Variants in ZNF730 observed in about 807,000 individuals in gnomAD.
ZNF730 encodes putative zinc finger protein 730.
ZNF730 carries 12 observed loss-of-function variants against 12.6 expected under a neutral mutation model. The ratio of observed to expected loss-of-function variants is 0.95; its 90% CI spans 0.61 to 1.54. The LOEUF (loss-of-function observed/expected upper bound fraction) is 1.54. ZNF730 is among the 40% of genes most tolerant of loss of function. The probability of loss-of-function intolerance (pLI) is 0.00; values close to 1 mark genes in which losing one functional copy is unlikely to be tolerated. For missense variants in ZNF730, 643 were observed against 583.5 expected, an observed-to-expected ratio of 1.10 and a Z score of -1.05; for synonymous variants, 194 against 195.8, an observed-to-expected ratio of 0.99 and a Z score of 0.08.
intron 1 of ZNF730, among the ~76,000 whole-genome samples, chr19:23,093,441 G>A (rs1011327687): frequency 2.0e-5 from 3 of 152,196 alleles, no homozygotes; most frequent in South Asian, 2.1e-4. Flanking sequence ...TCTAATTGCC[G>A]GAAGGGACGG....
At chr19:23,080,084 T>C (rs1385027338) in intron 1 of ZNF730, among the ~76,000 whole-genome samples, 1 of 152,080 alleles carries the variant, frequency 6.6e-6, no homozygotes, top group African/African-American at 2.4e-5. Flanking sequence ...TAGCTGGGAT[T>C]ACAGGCACGC....
chr19:23,111,212 A>G (rs966535081), intron 1 of ZNF730, among the ~76,000 whole-genome samples: 4 of 152,212 alleles, frequency 2.6e-5, no homozygotes, highest in Non-Finnish European at 4.4e-5. Context: ...TTTGTCAAGC[A>G]TATAATCCCA....
intron 1 of ZNF730, among the ~76,000 whole-genome samples, chr19:23,077,424 CTTTTTTTTTTTTTTTTTTTTTT>C (rs71163442): frequency 2.2e-5 from 1 of 45,552 alleles, no homozygotes; most frequent in African/African-American, 8.8e-5. Context: ...TCCCTAAGAG[CTTTTTTTTTTTTTTTTTTTTTT>C]TTTTTTTTTG....
chr19:23,145,805 A>T lies in ZNF730; in HGVS notation c.761A>T (p.Lys254Ile). The T allele has an allele frequency of 1.3e-6, 2 of 1,591,842 alleles. No individual in the cohort carries two copies. The highest frequency in any genetic ancestry group is 1.7e-6 in the Non-Finnish European group (2 of 1,170,568). ...TTHKRIHTGE[K>I]PYQCEKCGKF... is the part of the protein sequence containing the mutation. Reference sequence around the variant, plus strand: ...CATAAGAGAATTCATACTGGAGAAAAACCCTACCAATGTGAGAAATGTGGC... The same window carrying T: ...CATAAGAGAATTCATACTGGAGAAATACCCTACCAATGTGAGAAATGTGGC... Residue 254 changes from lysine to isoleucine, a missense_variant, in exon 4 of 4, where the codon AAA (lysine) becomes ATA (isoleucine). Transcript: ENST00000597761.
chr19:23,094,335 G>T (rs1320073200), intron 1 of ZNF730, among the ~76,000 whole-genome samples: 2 of 149,840 alleles, frequency 1.3e-5, no homozygotes, highest in African/African-American at 2.5e-5. Flanking sequence ...TGGAATTACA[G>T]GTGTGAGCCA....
chr19:23,079,856 A>G (rs1306463119), intron 1 of ZNF730, among the ~76,000 whole-genome samples: 4 of 152,136 alleles, frequency 2.6e-5, no homozygotes, highest in Admixed American at 2.0e-4. Context: ...GTGATTATAC[A>G]GTGTCTCTTT....
chr19:23,081,896 A>G (rs1969972654), intron 1 of ZNF730, among the ~76,000 whole-genome samples: 1 of 152,108 alleles, frequency 6.6e-6, no homozygotes, highest in African/African-American at 2.4e-5. Context: ...GGGGCTACAA[A>G]AATATGCCAC....
At chr19:23,107,307 G>A (rs1430089073) in intron 1 of ZNF730, among the ~76,000 whole-genome samples, 1 of 151,062 alleles carries the variant, frequency 6.6e-6, no homozygotes, top group Non-Finnish European at 1.5e-5. Flanking sequence ...TGCCCACCTT[G>A]ACCTTCCAAA....
intron 1 of ZNF730, chr19:23,095,174 G>C (rs1599574810): frequency 2.6e-6 from 1 of 386,156 alleles, no homozygotes; most frequent in South Asian, 1.5e-4. Flanking sequence ...CTATCTTACT[G>C]CCTTGACACT....
In ZNF730 at chr19:23,146,550, T is replaced by TA; in HGVS notation, c.1507dup (p.Thr503AsnfsTer5). The TA allele has an allele frequency of 4.4e-6, 7 of 1,581,870 alleles. No individual in the cohort carries two copies. The highest frequency in any genetic ancestry group is 6.0e-6 in the Non-Finnish European group (7 of 1,166,920). ...ACCTTACTAGGCATAAGACAATTCA[T>TA]ACATAAAATTGTAAAGACTGTGGCA... is the stretch of plus-strand genomic sequence containing the variant. On this transcript the variant is annotated frameshift_variant, in exon 4 of 4. Transcript: ENST00000597761. LOFTEE classifies it high-confidence loss of function.
At chr19:23,129,751 T>C (rs572220473) in intron 1 of ZNF730, among the ~76,000 whole-genome samples, 1 of 152,060 alleles carries the variant, frequency 6.6e-6, no homozygotes, top group East Asian at 1.9e-4. Flanking sequence ...CCCAGCACTT[T>C]GGGAGGCCGA....
At chr19:23,111,746 T>C (rs2145574997) in intron 1 of ZNF730, among the ~76,000 whole-genome samples, 1 of 148,364 alleles carries the variant, frequency 6.7e-6, no homozygotes, top group South Asian at 2.1e-4. Flanking sequence ...AGACTCCGTC[T>C]CAAAAAAAAA....
intron 1 of ZNF730, among the ~76,000 whole-genome samples, chr19:23,087,291 C>G (rs1439073623): frequency 2.0e-5 from 3 of 151,938 alleles, no homozygotes; most frequent in Non-Finnish European, 4.4e-5. Flanking sequence ...GCCTGTAATC[C>G]CAGGTACTCA....
chr19:23,094,426 G>C (rs1970215902), intron 1 of ZNF730, among the ~76,000 whole-genome samples: 2 of 151,058 alleles, frequency 1.3e-5, no homozygotes, highest in South Asian at 4.2e-4. Flanking sequence ...GCACTCTATA[G>C]ATAGGTAGGT....
At chr19:23,077,272 TA>T (rs1167296395) in intron 1 of ZNF730, among the ~76,000 whole-genome samples, 4 of 152,058 alleles carry the variant, frequency 2.6e-5, no homozygotes, top group Non-Finnish European at 5.9e-5. Context: ...CAAACCCCCA[TA>T]ACACACCTAT....
At chr19:23,083,458 AT>A (rs1163426363) in intron 1 of ZNF730, among the ~76,000 whole-genome samples, 3 of 152,118 alleles carry the variant, frequency 2.0e-5, no homozygotes, top group African/African-American at 7.2e-5. Flanking sequence ...CAGTAGTAAC[AT>A]TACTGGGTCA....
At chr19:23,114,305 C>CTTTCTTTTTTTTTTTTTT (rs1970490241), upstream of ZNF730, among the ~76,000 whole-genome samples, 2 of 103,508 alleles carry the variant, frequency 1.9e-5, no homozygotes. Flanking sequence ...TTTTTCTTTT[C>CTTTCTTTTTTTTTTTTTT]TTTTTTTTTT....
chr19:23,106,628 C>T (rs941187436), intron 1 of ZNF730, among the ~76,000 whole-genome samples: 1 of 151,720 alleles, frequency 6.6e-6, no homozygotes, highest in Non-Finnish European at 1.5e-5. Flanking sequence ...CCCATCTCTA[C>T]AAAAAACACA....
chr19:23,146,899 T>C lies in ZNF730; in HGVS notation c.*343T>C. On this transcript the variant is annotated 3_prime_UTR_variant, in exon 4 of 4. Coordinates refer to ENST00000597761, the MANE Select transcript of ZNF730 (RefSeq NM_001277403.2). Reference sequence around the variant, plus strand: ...AGAGAAACTCTACAAACCTGAAAGTTTTAACAGTGCTTTTGACAACACCTC... The same window carrying C: ...AGAGAAACTCTACAAACCTGAAAGTCTTAACAGTGCTTTTGACAACACCTC... 1 of 546,054 alleles carries C rather than the reference T, an allele frequency of 1.8e-6. No individual in the cohort carries two copies. Among genetic ancestry groups the C allele is most frequent in the East Asian group, 3.2e-5 (1 of 31,128 alleles). 33.8% of individuals were successfully genotyped at this position (546,054 alleles called of 1,614,324 possible). A position where few individuals can be genotyped will look rare whatever the true frequency, so the allele number is the denominator to read the frequency against.
Sources: gnomAD v4.1 joint callset for allele counts (sites outside exome capture counted in the v4.1 genomes callset) on GRCh38, gnomAD v4.1.1 for gene constraint, MANE v1.5 for transcripts, NCBI Gene and HGNC (gene_info 2026-07-23, HGNC 2026-07-21) for gene names.